The following MCPH1 variants were observed in gnomAD, a reference collection of about 807,000 sequenced individuals.
MCPH1 encodes microcephalin 1.
In MCPH1, 104 loss-of-function variants were observed where a neutral mutation model predicts 84.5. The observed-to-expected ratio is 1.23, with a 90% CI of 1.05 to 1.45. The LOEUF (loss-of-function observed/expected upper bound fraction) is 1.45. MCPH1 is among the 40% of genes most tolerant of loss of function. MCPH1 has a pLI of 0.00. For missense variants in MCPH1, 1,498 were observed against 1,005.7 expected, an observed-to-expected ratio of 1.49 and a Z score of -6.62; for synonymous variants, 514 against 366.8, an observed-to-expected ratio of 1.40 and a Z score of -4.58.
chr8:6,547,688 C>T lies in MCPH1; in HGVS notation c.2214+47759C>T, dbSNP rs546505154. On this transcript the variant is annotated intron_variant, in intron 12 of 13. Transcript: ENST00000344683. ...TGTGTGACACACAGCACAGCAGCACCATTTCTCAGAGCTGCAGCAACACTG... is the reference window on the plus strand; with the variant it reads ...TGTGTGACACACAGCACAGCAGCACTATTTCTCAGAGCTGCAGCAACACTG... Among the ~76,000 whole-genome samples the T allele has an allele frequency of 3.3e-5, 5 of 152,120 alleles. No homozygotes were observed. The East Asian group carries it at 9.7e-4, about 29-fold the overall frequency.
At chr8:6,434,080 T>A (rs1329230479) in intron 4 of MCPH1, among the ~76,000 whole-genome samples, 1 of 152,208 alleles carries the variant, frequency 6.6e-6, no homozygotes, top group Non-Finnish European at 1.5e-5. Flanking sequence ...CACCCGTTTA[T>A]ACCAGCAGTT....
intron 11 of MCPH1, among the ~76,000 whole-genome samples, chr8:6,498,909 A>C (rs1181855773): frequency 6.6e-6 from 1 of 151,962 alleles, no homozygotes; most frequent in African/African-American, 2.4e-5. Context: ...AAAATTAGCC[A>C]GGTGTGGTGG....
At chr8:6,460,969 G>A (rs929664783) in intron 9 of MCPH1, among the ~76,000 whole-genome samples, 2 of 152,186 alleles carry the variant, frequency 1.3e-5, no homozygotes, top group African/African-American at 2.4e-5. Flanking sequence ...GAGACGATGG[G>A]TGAATTTTAA....
At chr8:6,418,060 G>A (rs931285763) in intron 3 of MCPH1, among the ~76,000 whole-genome samples, 2 of 152,166 alleles carry the variant, frequency 1.3e-5, no homozygotes, top group Non-Finnish European at 2.9e-5. Flanking sequence ...TCAAACACAT[G>A]TTGTTCAGGG....
chr8:6,623,135 G>A (rs999376730), intron 13 of MCPH1, among the ~76,000 whole-genome samples: 2 of 150,214 alleles, frequency 1.3e-5, no homozygotes, highest in African/African-American at 4.9e-5. Flanking sequence ...TTACAGGTGT[G>A]AGCCACTGCA....
chr8:6,419,205 T>C (rs1412729014), intron 3 of MCPH1, among the ~76,000 whole-genome samples: 1 of 150,072 alleles, frequency 6.7e-6, no homozygotes. Context: ...TTACCCCAAA[T>C]ACTTATTTGA....
At chr8:6,639,980 C>T (rs1255541313) in intron 13 of MCPH1, among the ~76,000 whole-genome samples, 1 of 151,966 alleles carries the variant, frequency 6.6e-6, no homozygotes, top group African/African-American at 2.4e-5. Context: ...CTCAAGCAGT[C>T]CTCCCACCTT....
At chr8:6,409,217 T>C in intron 1 of MCPH1, 62 bp from the exon 2 acceptor site, 2 of 1,365,972 alleles carry the variant, frequency 1.5e-6, no homozygotes. Flanking sequence ...TAGAACAAAA[T>C]CTATTGGGCA....
chr8:6,414,741 T>G, intron 2 of MCPH1, 24 bp from the exon 3 acceptor site: 1 of 1,612,118 alleles, frequency 6.2e-7, no homozygotes, highest in Non-Finnish European at 8.5e-7. Flanking sequence ...AATGTACATT[T>G]TGTTTTCTGC....
At chr8:6,506,826 TG>T (rs1813821147) in intron 12 of MCPH1, among the ~76,000 whole-genome samples, 1 of 151,880 alleles carries the variant, frequency 6.6e-6, no homozygotes, top group South Asian at 2.1e-4. Context: ...ATAAAAGGCA[TG>T]AAATTTAAAG....
intron 2 of MCPH1, 104 bp downstream of exon 2, chr8:6,409,474 G>A (rs563519402): frequency 2.6e-5 from 23 of 892,788 alleles, no homozygotes; most frequent in East Asian, 5.0e-5. Context: ...GAATCTGGAC[G>A]AAGCAATGGG....
chr8:6,601,807 A>ACCCAATCACATACCACATATACCCAC, intron 12 of MCPH1, among the ~76,000 whole-genome samples: 6 of 151,808 alleles, frequency 4.0e-5, no homozygotes, highest in African/African-American at 1.2e-4. Flanking sequence ...ACACACACAC[A>ACCCAATCACATACCACATATACCCAC]AGCCTTTCCT....
chr8:6,609,828 C>CCCCCCCCCCA (rs1475345162), intron 12 of MCPH1, among the ~76,000 whole-genome samples: 18 of 108,782 alleles, frequency 1.7e-4, no homozygotes, highest in South Asian at 4.1e-4. Flanking sequence ...CGCCCCCCCC[C>CCCCCCCCCCA]CACACACAGA....
chr8:6,416,142 C>A (rs1047652779), intron 3 of MCPH1, among the ~76,000 whole-genome samples: 3 of 151,978 alleles, frequency 2.0e-5, no homozygotes, highest in Admixed American at 6.6e-5. Flanking sequence ...GATCTTATAC[C>A]CTGCAAATTT....
At chr8:6,537,193 T>G (rs1820657474) in intron 12 of MCPH1, among the ~76,000 whole-genome samples, 1 of 152,112 alleles carries the variant, frequency 6.6e-6, no homozygotes, top group South Asian at 2.1e-4. Context: ...CGCAGGAATG[T>G]TTGCCATCGC....
In MCPH1 at chr8:6,482,750, C is replaced by G. The variant is rs549135405; in HGVS notation, c.2136+1874C>G. Among the ~76,000 whole-genome samples, 33 of 152,284 alleles carry G rather than the reference C, an allele frequency of 2.2e-4. No homozygotes were observed. In the South Asian group the frequency reaches 6.7e-3, roughly 31 times the overall value. On this transcript the variant is annotated intron_variant, in intron 11 of 13. Coordinates refer to ENST00000344683, the MANE Select transcript of MCPH1 (RefSeq NM_024596.5). ...CTCCACAGCTAATCATACATAGAAA[C>G]AGAACTGGGTGAAATTTTAGGTTAT...
intron 12 of MCPH1, among the ~76,000 whole-genome samples, chr8:6,523,051 G>A (rs1817662422): frequency 6.6e-6 from 1 of 151,816 alleles, no homozygotes. Context: ...AGACTGGAGT[G>A]CAAGGGTGCC....
intron 12 of MCPH1, among the ~76,000 whole-genome samples, chr8:6,606,510 G>A (rs1375336731): frequency 6.6e-6 from 1 of 152,188 alleles, no homozygotes; most frequent in Non-Finnish European, 1.5e-5. Context: ...AACTTCCCTA[G>A]GTCCGGCAGC....
intron 4 of MCPH1, among the ~76,000 whole-genome samples, chr8:6,432,677 A>T (rs1802018327): frequency 6.6e-6 from 1 of 152,214 alleles, no homozygotes. Flanking sequence ...AGGAGAAATA[A>T]CTGTGAATTT....
Sources: allele counts gnomAD v4.1 joint callset (sites outside exome capture counted in the v4.1 genomes callset), GRCh38; gene constraint gnomAD v4.1.1; transcripts MANE v1.5; gene names NCBI Gene and HGNC (gene_info 2026-07-23, HGNC 2026-07-21).